BAZ2A: variants seen among roughly 807,000 people sequenced by gnomAD.
The protein encoded by BAZ2A is bromodomain adjacent to zinc finger domain protein 2A.
In BAZ2A, 34 loss-of-function variants were observed where a neutral mutation model predicts 199.9. The observed-to-expected ratio is 0.17, with a 90% confidence interval of 0.13 to 0.23. The LOEUF (loss-of-function observed/expected upper bound fraction) is 0.23, where lower values mean the gene tolerates loss of function less well. BAZ2A is among the 10% of genes least tolerant of loss of function. BAZ2A has a pLI of 1.00. For missense variants in BAZ2A, 2,002 were observed against 2,391.1 expected (o/e 0.84, Z 3.39); for synonymous variants, 857 against 883.9 (o/e 0.97, Z 0.54).
chr12:56,598,508 T>G lies in BAZ2A; in HGVS notation c.*110A>C. 7.3e-7 allele frequency: 1 copy of G among 1,376,892 alleles called. No individual in the cohort carries two copies. Among genetic ancestry groups the G allele is most frequent in the Non-Finnish European group, 9.8e-7 (1 of 1,023,850 alleles). 85.3% of individuals were successfully genotyped at this position (1,376,892 alleles called of 1,614,324 possible). On this transcript the variant is annotated 3_prime_UTR_variant, in exon 29 of 29. Coordinates refer to ENST00000549884, the MANE Select transcript of BAZ2A (RefSeq NM_001300905.2). ...CAAGGGCAAGGTCAAAAATCAGGGT[T>G]GTATCTGACTTGAGTCTGGACCCAG...
chr12:56,630,259 AAGGGGG>A lies in BAZ2A; in HGVS notation c.-143_-138del. On this transcript the variant is annotated 5_prime_UTR_variant, in exon 1 of 29. Transcript: ENST00000549884. ...GGGGGTCTGGGGTCCGGGGTTCGGG[AAGGGGG>A]AGGGGGACGCGGCTCAACCGCGGGG... The A allele has an allele frequency of 1.0e-6, 1 of 982,014 alleles. No individual in the cohort carries two copies. Among genetic ancestry groups the A allele is most frequent in the Non-Finnish European group, 1.2e-6 (1 of 826,780 alleles). The allele number at this position is 982,014 out of a possible 1,614,324, so 60.8% of individuals were successfully genotyped here.
Position 56,596,778 on chromosome 12 carries a change from AT to A in BAZ2A, c.*1839del, listed in dbSNP as rs545641895. The A allele has an allele frequency of 1.1e-3, 164 of 152,680 alleles. 1 individual carries two copies. Among genetic ancestry groups the A allele is most frequent in the Middle Eastern group, 6.8e-3 (2 of 294 alleles). The allele number at this position is 152,680 out of a possible 1,614,324, so 9.5% of individuals were successfully genotyped here. The stretch of plus-strand genomic sequence containing the variant: ...ATCCACCTCTTAAAAGCAAAAAAAA[AT>A]CTCAAATAAAATTAAAAGTTTTGAG... On this transcript the variant is annotated 3_prime_UTR_variant, in exon 29 of 29. Coordinates refer to ENST00000549884, the MANE Select transcript of BAZ2A (RefSeq NM_001300905.2).
rs1027674599 is a variant in BAZ2A at position 56,606,205 on chromosome 12, T to C, written c.2259+42A>G. 1.9e-6 allele frequency: 3 copies of C among 1,612,296 alleles called. No homozygotes were observed. The African/African-American group carries it at 4.0e-5, about 22-fold the overall frequency. On this transcript the variant is annotated intron_variant, in intron 12 of 28. Coordinates refer to ENST00000549884, the MANE Select transcript of BAZ2A (RefSeq NM_001300905.2). ...TACATGTCCTGCAAAATCAGTTTAG[T>C]GGCTTCGAAATTATACTTGGCAAGT...
chr12:56,632,527 G>A (rs905493484), upstream of BAZ2A, among the ~76,000 whole-genome samples: 2 of 152,122 alleles, frequency 1.3e-5, no homozygotes, highest in South Asian at 2.1e-4. Flanking sequence ...ACTCTGCTCC[G>A]GAAGAGCCGG....
chr12:56,627,378 A>C (rs1375302823), intron 1 of BAZ2A, among the ~76,000 whole-genome samples: 1 of 150,634 alleles, frequency 6.6e-6, no homozygotes, highest in African/African-American at 2.5e-5. Flanking sequence ...AGGCAGGAGG[A>C]TCGCTTGAAC....
rs1401399238 is a variant in BAZ2A, at chr12:56,598,452, G to A, written c.*166C>T. The A allele has an allele frequency of 1.2e-6, 1 of 812,090 alleles. No homozygotes were observed. Among genetic ancestry groups the A allele is most frequent in the African/African-American group, 1.7e-5 (1 of 57,920 alleles). 50.3% of individuals were successfully genotyped at this position (812,090 alleles called of 1,614,324 possible). A position where few individuals can be genotyped will look rare whatever the true frequency, so the allele number is the denominator to read the frequency against. On this transcript the variant is annotated 3_prime_UTR_variant, in exon 29 of 29. Transcript: ENST00000549884. ...AGCAAGAGGAGGGAAGGGAGAAAGG[G>A]ATGTAGGAATAAGAGGATGTGGGGC...
upstream of BAZ2A, among the ~76,000 whole-genome samples, chr12:56,631,476 A>T (rs1186295539): frequency 6.7e-6 from 1 of 149,088 alleles, no homozygotes; most frequent in Non-Finnish European, 1.5e-5. Context: ...AAAAAATTCT[A>T]GTTCAACCTT....
chr12:56,619,292 C>T (rs1447198553), intron 1 of BAZ2A, among the ~76,000 whole-genome samples: 2 of 150,662 alleles, frequency 1.3e-5, no homozygotes, highest in African/African-American at 4.9e-5. Context: ...TTGCAGTGAG[C>T]GGAGATCATG....
chr12:56,601,055 C>T lies in BAZ2A; in HGVS notation c.4338G>A (p.Leu1446=). 1 of 1,611,402 alleles carries T rather than the reference C, an allele frequency of 6.2e-7. No individual in the cohort carries two copies. The highest frequency in any genetic ancestry group is 8.5e-7 in the Non-Finnish European group (1 of 1,178,734). ...GGTGTAGGGCCTTGAGCATGGCATC[C>T]AACATCTCAGGATCTCGTATCCACC... ...GWWWIRDPEM[L]DAMLKALHPR... is the part of the protein sequence containing the mutation. Residue 1446 remains leucine, a synonymous_variant, in exon 22 of 29, where the codon TTG becomes TTA. Coordinates refer to ENST00000549884, the MANE Select transcript of BAZ2A (RefSeq NM_001300905.2).
Position 56,600,831 on chromosome 12 carries a change from G to A in BAZ2A, c.4452C>T (p.Asp1484=). The change falls in exon 23 of 29, where the codon GAC becomes GAT. Residue 1484 remains aspartate, a splice_region_variant and synonymous_variant. Transcript: ENST00000549884. ...LQEVCLRPSA[D]PIFEPRQLPA... ...GTAGTTGCCTGGGCTCAAAGATGGGGTCTGAGAAGAGAGGTGGCAGAGGGA... is the reference window on the plus strand; with the variant it reads ...GTAGTTGCCTGGGCTCAAAGATGGGATCTGAGAAGAGAGGTGGCAGAGGGA... 6.2e-7 allele frequency: 1 copy of A among 1,613,572 alleles called. No homozygotes were observed.
At chr12:56,624,581 A>G (rs1162099513) in intron 1 of BAZ2A, among the ~76,000 whole-genome samples, 2 of 151,076 alleles carry the variant, frequency 1.3e-5, no homozygotes, top group Non-Finnish European at 2.9e-5. Context: ...TATCCAATGA[A>G]GGTCATGGGC....
upstream of BAZ2A, chr12:56,630,633 C>T (rs2137432102): frequency 2.4e-6 from 1 of 415,698 alleles, no homozygotes; most frequent in Admixed American, 6.4e-5. Flanking sequence ...CTCTAACAGG[C>T]TGGTAGGGGT....
chr12:56,611,814 A>G lies in BAZ2A; in HGVS notation c.1568T>C (p.Val523Ala). Residue 523 changes from valine to alanine, a missense_variant, in exon 6 of 29, where the codon GTG becomes GCG. By Grantham distance (64) the Val-to-Ala change is moderately conservative (BLOSUM62 0). This residue lies in a region of BAZ2A where 641 missense variants were observed against 694.5 expected (regional missense o/e 0.92). Transcript: ENST00000549884. Reference protein sequence around the residue: ...VSSFLETTADVEEITGEGLTA... With the variant: ...VSSFLETTADAEEITGEGLTA... ...GAGTCCTTCTCCAGTGATCTCTTCC[A>G]CGTCAGCAGTGGTTTCTAGAAAGCT... 1 of 1,563,264 alleles carries G rather than the reference A, an allele frequency of 6.4e-7. No homozygotes were observed. The highest frequency in any genetic ancestry group is 8.7e-7 in the Non-Finnish European group (1 of 1,155,288).
At position 56,606,254 on chromosome 12, in the gene BAZ2A, T is replaced by G. The variant is rs1208720901; in HGVS notation, c.2252A>C (p.Lys751Thr). ...GTTTGTACATGCACCTACCTTGGAT[T>G]TCTTCTTAGCTTCCTTCTGCTTTAA... is the stretch of plus-strand genomic sequence containing the variant. ...KSLKQKEAKK[K>T]SKAEKEKGKT... The change falls in exon 12 of 29, where the codon AAA becomes ACA. Residue 751 changes from lysine (K) to threonine (T), a missense_variant. This residue lies in a region of BAZ2A where 1,081 missense variants were observed against 1,274.7 expected (regional missense o/e 0.85). Coordinates refer to ENST00000549884, the MANE Select transcript of BAZ2A (RefSeq NM_001300905.2). The G allele has an allele frequency of 1.9e-6, 3 of 1,614,016 alleles. No individual in the cohort carries two copies. Among genetic ancestry groups the G allele is most frequent in the African/African-American group, 1.3e-5 (1 of 75,046 alleles).
In BAZ2A at chr12:56,601,215, T is replaced by C. The variant is rs1886445195; in HGVS notation, c.4259A>G (p.Tyr1420Cys). ...AGGCTGGGCTGTCAGCTGGGTTAGG[T>C]AACGCTGTTCCATCTGTTTGAAGAA... ...SKFFKQMEQRYLTQLTAQPVP... is the reference protein window; with the variant it reads ...SKFFKQMEQRCLTQLTAQPVP... The change falls in exon 21 of 29, where the codon TAC (tyrosine) becomes TGC (cysteine). Residue 1420 changes from tyrosine (Y) to cysteine (C), a missense_variant. Coordinates refer to ENST00000549884, the MANE Select transcript of BAZ2A (RefSeq NM_001300905.2). 6.2e-7 allele frequency: 1 copy of C among 1,614,028 alleles called. No individual in the cohort carries two copies. Among genetic ancestry groups the C allele is most frequent in the Non-Finnish European group, 8.5e-7 (1 of 1,179,902 alleles).
chr12:56,615,123 T>C lies in BAZ2A; in HGVS notation c.621A>G (p.Val207=), dbSNP rs756347337. 3.5e-5 allele frequency: 56 copies of C among 1,613,730 alleles called. No homozygotes were observed. Among genetic ancestry groups the C allele is most frequent in the Non-Finnish European group, 4.7e-5 (55 of 1,179,856 alleles). ...CCTCATCAGGATGGATACCACTGCC[T>C]ACCTCCTGGGAGGGTGCAAAGGTTT... ...SIQTFAPSQE[V]GSGIHPDEAA... is the part of the protein sequence containing the mutation. The change falls in exon 3 of 29, where the codon GTA becomes GTG. Residue 207 remains valine, a synonymous_variant. Coordinates refer to ENST00000549884, the MANE Select transcript of BAZ2A (RefSeq NM_001300905.2).
rs867571969 is a variant in BAZ2A, at chr12:56,601,219, G to A, written c.4255C>T (p.Arg1419Cys). The part of the protein sequence containing the change: ...PSKFFKQMEQ[R>C]YLTQLTAQPV... ...TGGGCTGTCAGCTGGGTTAGGTAAC[G>A]CTGTTCCATCTGTTTGAAGAACTTA... The change falls in exon 21 of 29, where the codon CGT (arginine) becomes TGT (cysteine). Residue 1419 changes from arginine to cysteine, a missense_variant. This residue lies in a region of BAZ2A where 1,081 missense variants were observed against 1,274.7 expected (regional missense o/e 0.85). Coordinates refer to ENST00000549884, the MANE Select transcript of BAZ2A (RefSeq NM_001300905.2). The A allele has an allele frequency of 1.2e-5, 19 of 1,614,028 alleles. No individual in the cohort carries two copies. Among genetic ancestry groups the A allele is most frequent in the Admixed American group, 5.0e-5 (3 of 60,032 alleles).
At position 56,615,079 on chromosome 12, in the gene BAZ2A, G is replaced by A; in HGVS notation, c.665C>T (p.Thr222Ile). 6.2e-7 allele frequency: 1 copy of A among 1,613,824 alleles called. No individual in the cohort carries two copies. Among genetic ancestry groups the A allele is most frequent in the Non-Finnish European group, 8.5e-7 (1 of 1,179,892 alleles). The stretch of plus-strand genomic sequence containing the variant: ...AGTGCCATTCTCTGCCACAACTGAA[G>A]TCATCTCCTTTTCTGCTGCCTCATC... Reference protein sequence around the residue: ...HPDEAAEKEMTSVVAENGTGL... With the variant: ...HPDEAAEKEMISVVAENGTGL... Residue 222 changes from threonine to isoleucine, a missense_variant, in exon 3 of 29, where the codon ACT becomes ATT. Transcript: ENST00000549884.
At chr12:56,612,971 T>G in intron 5 of BAZ2A, 44 bp downstream of exon 5, 1 of 1,553,508 alleles carries the variant, frequency 6.4e-7, no homozygotes, top group Non-Finnish European at 8.8e-7. Flanking sequence ...CTCTCATCTT[T>G]TCTCAGGTAA....
Sources: allele counts gnomAD v4.1 joint callset (sites outside exome capture counted in the v4.1 genomes callset), GRCh38; gene constraint gnomAD v4.1.1; regional missense constraint gnomAD v4.1.1; transcripts MANE v1.5; gene names NCBI Gene and HGNC (gene_info 2026-07-23, HGNC 2026-07-21).